MAP2: variants seen among roughly 807,000 people sequenced by gnomAD.
MAP2 encodes microtubule-associated protein 2.
Under a neutral mutation model 137.6 loss-of-function variants are expected in MAP2, and 14 were observed. The ratio of observed to expected loss-of-function variants is 0.10; its 90% CI spans 0.07 to 0.16. The LOEUF (loss-of-function observed/expected upper bound fraction) is 0.16, where lower values mean the gene tolerates loss of function less well. Among genes scored for constraint, MAP2 ranks in the 10% least tolerant of loss-of-function variants. The pLI is 1.00. For missense variants in MAP2, 2,088 were observed against 2,191.5 expected, an observed-to-expected ratio of 0.95 and a Z score of 0.94; for synonymous variants, 786 against 782.3, an observed-to-expected ratio of 1.00 and a Z score of -0.08.
chr2:209,658,699 G>T (rs1582539962), intron 5 of MAP2, among the ~76,000 whole-genome samples: 2 of 152,038 alleles, frequency 1.3e-5, no homozygotes, highest in African/African-American at 4.8e-5. Context: ...TAGAGACGGG[G>T]TTTCACCATG....
chr2:209,499,935 G>T (rs112199351), intron 1 of MAP2, among the ~76,000 whole-genome samples: 2,682 of 152,156 alleles, frequency 0.018, 83 homozygotes, highest in African/African-American at 0.062. Flanking sequence ...CAACAATAGG[G>T]AATAAAATTC....
At chr2:209,554,957 T>G (rs150446578) in intron 2 of MAP2, among the ~76,000 whole-genome samples, 1 of 146,542 alleles carries the variant, frequency 6.8e-6, no homozygotes, top group Non-Finnish European at 1.5e-5. Flanking sequence ...TATATTATTT[T>G]TATATATATA....
chr2:209,551,866 CT>C (rs1024703933), intron 2 of MAP2, among the ~76,000 whole-genome samples: 2 of 152,110 alleles, frequency 1.3e-5, no homozygotes, highest in Non-Finnish European at 2.9e-5. Flanking sequence ...GAAGTAGGGA[CT>C]TACTAAAGTC....
chr2:209,491,546 CACT>C (rs1246328647), intron 1 of MAP2, among the ~76,000 whole-genome samples: 1 of 151,916 alleles, frequency 6.6e-6, no homozygotes, highest in African/African-American at 2.4e-5. Context: ...ATACATAGAC[CACT>C]AGCCAGACCA....
chr2:209,431,620 T>C (rs1694310894), intron 1 of MAP2, among the ~76,000 whole-genome samples: 1 of 152,154 alleles, frequency 6.6e-6, no homozygotes, highest in Non-Finnish European at 1.5e-5. Flanking sequence ...TGACTTTCCT[T>C]ATCTAGTTAG....
At chr2:209,503,320 C>G (rs541532078) in intron 1 of MAP2, among the ~76,000 whole-genome samples, 37 of 152,122 alleles carry the variant, frequency 2.4e-4, no homozygotes, top group African/African-American at 8.2e-4. Flanking sequence ...GGATATTAAC[C>G]CCTTATCAGA....
At position 209,732,557 on chromosome 2, in the gene MAP2, T is replaced by G. The variant is rs149078889; in HGVS notation, c.*2160T>G. 22 of 152,376 alleles carry G rather than the reference T, an allele frequency of 1.4e-4. No individual in the cohort carries two copies. Among genetic ancestry groups the G allele is most frequent in the African/African-American group, 5.3e-4 (22 of 41,584 alleles). The allele number at this position is 152,376 out of a possible 1,614,324, so 9.4% of individuals were successfully genotyped here. ...AGTGCACCAGAAAATAGAAGAAAGG[T>G]GTGTGGAGACTTAGGGTATTTTATT... On this transcript the variant is annotated 3_prime_UTR_variant, in exon 16 of 16. Transcript: ENST00000682079.
chr2:209,639,425 G>T (rs2093831556), intron 4 of MAP2, among the ~76,000 whole-genome samples: 1 of 151,860 alleles, frequency 6.6e-6, no homozygotes, highest in Admixed American at 6.6e-5. Context: ...TTTGAACATA[G>T]AATCTAGCCC....
At chr2:209,641,049 G>A (rs2093985890) in intron 4 of MAP2, among the ~76,000 whole-genome samples, 1 of 151,870 alleles carries the variant, frequency 6.6e-6, no homozygotes, top group Admixed American at 6.6e-5. Flanking sequence ...AAAGCATCTA[G>A]TCCTCAAGTA....
chr2:209,443,117 A>G lies in MAP2; in HGVS notation c.-222+18841A>G, dbSNP rs549200520. ...AAATCTGGAAGCATGCTATCTCTTC[A>G]ATCTTATTTTCAGCCACTCCCTTCC... On this transcript the variant is annotated intron_variant, in intron 1 of 15. Transcript: ENST00000682079. Among the ~76,000 whole-genome samples the G allele has an allele frequency of 2.6e-5, 4 of 151,650 alleles. No homozygotes were observed. In the South Asian group the frequency reaches 8.3e-4, roughly 31 times the overall value.
At chr2:209,576,021 G>T (rs1164560901) in intron 2 of MAP2, among the ~76,000 whole-genome samples, 1 of 152,112 alleles carries the variant, frequency 6.6e-6, no homozygotes, top group Non-Finnish European at 1.5e-5. Flanking sequence ...GGAGAGTTTA[G>T]GTAGTCATAC....
intron 2 of MAP2, among the ~76,000 whole-genome samples, chr2:209,575,293 G>A (rs192722198): frequency 2.1e-4 from 32 of 152,022 alleles, no homozygotes; most frequent in Admixed American, 3.3e-4. Context: ...AGGCCAAGGC[G>A]GGCGGATCAC....
intron 5 of MAP2, among the ~76,000 whole-genome samples, chr2:209,659,851 A>C (rs1383572930): frequency 6.6e-6 from 1 of 151,864 alleles, no homozygotes. Flanking sequence ...ATCCTGGCTA[A>C]CACTGTGAAA....
chr2:209,595,245 G>A (rs534024596), intron 3 of MAP2, among the ~76,000 whole-genome samples: 5 of 152,290 alleles, frequency 3.3e-5, no homozygotes, highest in African/African-American at 9.6e-5. Context: ...TGTGATCCTT[G>A]TCTTGGCAAT....
intron 2 of MAP2, among the ~76,000 whole-genome samples, chr2:209,517,703 A>G (rs1246035125): frequency 1.3e-5 from 2 of 152,044 alleles, no homozygotes; most frequent in Non-Finnish European, 2.9e-5. Context: ...TAACTAGGAC[A>G]TAGAAATCCT....
intron 1 of MAP2, among the ~76,000 whole-genome samples, chr2:209,437,580 T>G (rs971982849): frequency 6.6e-6 from 1 of 151,646 alleles, no homozygotes; most frequent in African/African-American, 2.4e-5. Context: ...TTAACTGTCC[T>G]ATTAAATCAA....
chr2:209,566,186 A>G (rs2073372985), intron 2 of MAP2, among the ~76,000 whole-genome samples: 1 of 152,218 alleles, frequency 6.6e-6, no homozygotes, highest in African/African-American at 2.4e-5. Context: ...CATATCATCA[A>G]TACACGTAAG....
At chr2:209,676,022 C>A (rs2051226800) in intron 5 of MAP2, among the ~76,000 whole-genome samples, 1 of 151,740 alleles carries the variant, frequency 6.6e-6, no homozygotes, top group Non-Finnish European at 1.5e-5. Flanking sequence ...TATTAATTTT[C>A]TATTCTGTCA....
chr2:209,654,728 T>C (rs1420404981), intron 5 of MAP2, among the ~76,000 whole-genome samples: 1 of 152,148 alleles, frequency 6.6e-6, no homozygotes, highest in Non-Finnish European at 1.5e-5. Context: ...GAGCATGTTA[T>C]AGCATATTGA....
Sources: gnomAD v4.1 joint callset for allele counts (sites outside exome capture counted in the v4.1 genomes callset) on GRCh38, gnomAD v4.1.1 for gene constraint, MANE v1.5 for transcripts, NCBI Gene and HGNC (gene_info 2026-07-23, HGNC 2026-07-21) for gene names.